Variants in DCTPP1 observed in about 807,000 individuals in gnomAD.
DCTPP1 encodes XTP3-transactivated gene A protein.
A neutral mutation model predicts 8.8 loss-of-function variants in DCTPP1; 8 were observed. That is an observed-to-expected ratio of 0.91 (90% CI 0.54 to 1.64). The LOEUF (loss-of-function observed/expected upper bound fraction) is 1.64. DCTPP1 is among the 40% of genes most tolerant of loss of function. DCTPP1 has a pLI of 0.00. For missense variants in DCTPP1, 231 were observed against 230.4 expected (o/e 1.00, Z -0.02); for synonymous variants, 85 against 92.1 (o/e 0.92, Z 0.44).
Position 30,424,020 on chromosome 16 carries a change from C to T in DCTPP1, c.*213G>A, listed in dbSNP as rs958448702. ...GAGACAGAGAGCCTCCCTGGCCATC[C>T]AGGAATAATCTAGAAGTTATCGCCC... On this transcript the variant is annotated 3_prime_UTR_variant, in exon 3 of 3. Transcript: ENST00000319285. The T allele has an allele frequency of 4.9e-6, 3 of 611,438 alleles. No individual in the cohort carries two copies. The South Asian group carries it at 6.7e-5, about 14-fold the overall frequency. 37.9% of individuals were successfully genotyped at this position (611,438 alleles called of 1,614,324 possible).
Position 30,429,988 on chromosome 16 carries a change from A to T in DCTPP1, c.-8T>A, listed in dbSNP as rs201625150. 6 of 1,497,328 alleles carry T rather than the reference A, an allele frequency of 4.0e-6. No homozygotes were observed. The Admixed American group carries it at 6.9e-5, about 17-fold the overall frequency. 92.8% of individuals were successfully genotyped at this position (1,497,328 alleles called of 1,614,324 possible). On this transcript the variant is annotated 5_prime_UTR_variant, in exon 1 of 3. Transcript: ENST00000319285. ...CCCACCGGCCACAGACATGCCGCCC[A>T]CCGCTGCACCGCGACTTCACGGAAA... is the stretch of plus-strand genomic sequence containing the variant.
chr16:30,429,501 G>T (rs1470932023), intron 1 of DCTPP1: 2 of 417,922 alleles, frequency 4.8e-6, no homozygotes, highest in African/African-American at 2.1e-5. Context: ...TAGTTCCACA[G>T]ACCCTTCCTC....
Position 30,424,035 on chromosome 16 carries a change from A to G in DCTPP1, c.*198T>C. The G allele has an allele frequency of 1.5e-6, 1 of 656,662 alleles. No homozygotes were observed. The highest frequency in any genetic ancestry group is 1.8e-5 in the African/African-American group (1 of 55,044). 40.7% of individuals were successfully genotyped at this position (656,662 alleles called of 1,614,324 possible). ...CCTGGCCATCCAGGAATAATCTAGA[A>G]GTTATCGCCCAAAACCATTTTACTG... is the stretch of plus-strand genomic sequence containing the variant. On this transcript the variant is annotated 3_prime_UTR_variant, in exon 3 of 3. Coordinates refer to ENST00000319285, the MANE Select transcript of DCTPP1 (RefSeq NM_024096.2).
At position 30,429,019 on chromosome 16, in the gene DCTPP1, C is replaced by A. The variant is rs949228798; in HGVS notation, c.212+38G>T. 3.2e-6 allele frequency: 5 copies of A among 1,574,578 alleles called. No individual in the cohort carries two copies. The African/African-American group carries it at 4.1e-5, about 13-fold the overall frequency. On this transcript the variant is annotated intron_variant, in intron 2 of 2. Coordinates refer to ENST00000319285, the MANE Select transcript of DCTPP1 (RefSeq NM_024096.2). ...ATAAATGCTCCCCTCCCCTCCCCCA[C>A]AACTCAGACTCTACCAGGAAGCTTT... is the stretch of plus-strand genomic sequence containing the variant.
At chr16:30,429,415 A>G in intron 1 of DCTPP1, 1 of 445,876 alleles carries the variant, frequency 2.2e-6, no homozygotes, top group Non-Finnish European at 4.0e-6. Flanking sequence ...TCATTATTCC[A>G]TCTCCTGCTG....
intron 2 of DCTPP1, among the ~76,000 whole-genome samples, chr16:30,425,287 G>C (rs942156013): frequency 6.6e-6 from 1 of 151,414 alleles, no homozygotes; most frequent in Non-Finnish European, 1.5e-5. Flanking sequence ...AGGAGTTCAA[G>C]ACCAGCCTGG....
rs2050177208 is a variant in DCTPP1, at chr16:30,423,853, T to C, written c.*380A>G. 1.0e-5 allele frequency: 2 copies of C among 199,072 alleles called. No individual in the cohort carries two copies. Among genetic ancestry groups the C allele is most frequent in the Non-Finnish European group, 1.0e-5 (1 of 97,604 alleles). 12.3% of individuals were successfully genotyped at this position (199,072 alleles called of 1,614,324 possible). A position where few individuals can be genotyped will look rare whatever the true frequency, so the allele number is the denominator to read the frequency against. On this transcript the variant is annotated 3_prime_UTR_variant, in exon 3 of 3. Transcript: ENST00000319285. ...CTGGACTCTTACAGCCTTCAATCTC[T>C]AAGAGGGGGAAGGAACTTACATGAC...
chr16:30,429,665 A>C (rs1345956582), intron 1 of DCTPP1: 2 of 524,062 alleles, frequency 3.8e-6, no homozygotes, highest in Non-Finnish European at 6.7e-6. Flanking sequence ...GTTCCTAGTT[A>C]CCACTCGGAG....
rs935543111 is a variant in DCTPP1, at chr16:30,424,521, G to C, written c.225C>G (p.Thr75=). Residue 75 remains threonine, a synonymous_variant, in exon 3 of 3, where the codon ACC becomes ACG. Transcript: ENST00000319285. ...GELAELFQWK[T]DGEPGPQGWS... is the part of the protein sequence containing the mutation. ...AGCCTTGGGGGCCAGGTTCCCCATCGGTTTTCCACTGACTAGGGGCAGAAC... is the reference window on the plus strand; with the variant it reads ...AGCCTTGGGGGCCAGGTTCCCCATCCGTTTTCCACTGACTAGGGGCAGAAC... The C allele has an allele frequency of 3.1e-6, 5 of 1,613,672 alleles. No homozygotes were observed. In the East Asian group the frequency reaches 1.1e-4, roughly 36 times the overall value.
chr16:30,428,263 A>G (rs2050205136), intron 2 of DCTPP1, among the ~76,000 whole-genome samples: 1 of 152,124 alleles, frequency 6.6e-6, no homozygotes, highest in African/African-American at 2.4e-5. Flanking sequence ...TTGAGCGCCT[A>G]CTATGCGCTG....
chr16:30,425,789 C>T (rs1275024291), intron 2 of DCTPP1, among the ~76,000 whole-genome samples: 2 of 152,184 alleles, frequency 1.3e-5, no homozygotes, highest in Admixed American at 6.5e-5. Context: ...CACACTCCAG[C>T]CTTGGTAACA....
At chr16:30,429,339 T>G in intron 1 of DCTPP1, 172 bp from the exon 2 acceptor site, 2 of 602,508 alleles carry the variant, frequency 3.3e-6, no homozygotes, top group Non-Finnish European at 5.4e-6. Flanking sequence ...CTTGGTTCCC[T>G]CATCTATAAA....
rs1401805447 is a variant in DCTPP1 at position 30,424,373 on chromosome 16, T to C, written c.373A>G (p.Asn125Asp). The change falls in exon 3 of 3, where the codon AAC becomes GAC. Residue 125 changes from asparagine to aspartate, a missense_variant. By Grantham distance (23) the Asn-to-Asp change is conservative. Coordinates refer to ENST00000319285, the MANE Select transcript of DCTPP1 (RefSeq NM_024096.2). ...PLAVLSKMDINRRRYPAHLAR... is the reference protein window; with the variant it reads ...PLAVLSKMDIDRRRYPAHLAR... ...AGATGGGCTGGGTAGCGTCGCCGGT[T>C]GATGTCCATTTTGGAGAGCACTGCT... 6.2e-7 allele frequency: 1 copy of C among 1,614,084 alleles called. No homozygotes were observed. The highest frequency in any genetic ancestry group is 8.5e-7 in the Non-Finnish European group (1 of 1,180,050).
Position 30,424,171 on chromosome 16 carries a change from G to A in DCTPP1, c.*62C>T, listed in dbSNP as rs2050178680. 1.3e-6 allele frequency: 2 copies of A among 1,572,656 alleles called. No individual in the cohort carries two copies. The highest frequency in any genetic ancestry group is 2.3e-5 in the East Asian group (1 of 44,430). ...CTGAAAAGACTAGAAAAAGGCTCCA[G>A]GGCCAGGCCACTCTCTGCTCTTCAG... On this transcript the variant is annotated 3_prime_UTR_variant, in exon 3 of 3. Transcript: ENST00000319285.
In DCTPP1 at chr16:30,427,351, C is replaced by T. The variant is rs529894967; in HGVS notation, c.212+1706G>A. 9.3e-5 allele frequency among the ~76,000 whole-genome samples: 14 copies of T among 151,068 alleles called. 1 individual carries two copies. Among genetic ancestry groups the T allele is most frequent in the Admixed American group, 4.6e-4 (7 of 15,110 alleles). ...TTTTTAAGGCAGAGTCTTGCTCTGT[C>T]GCCCAGGCTGGAGTGCCATGGTGTG... is the stretch of plus-strand genomic sequence containing the variant. On this transcript the variant is annotated intron_variant, in intron 2 of 2. Coordinates refer to ENST00000319285, the MANE Select transcript of DCTPP1 (RefSeq NM_024096.2).
chr16:30,426,342 A>AT (rs775077894), intron 2 of DCTPP1, among the ~76,000 whole-genome samples: 13 of 149,566 alleles, frequency 8.7e-5, no homozygotes, highest in African/African-American at 1.2e-4. Context: ...CACCCAGCTA[A>AT]TTTTTTGTAT....
At chr16:30,429,666 C>T (rs1304833809) in intron 1 of DCTPP1, 1 of 527,958 alleles carries the variant, frequency 1.9e-6, no homozygotes, top group Non-Finnish European at 3.3e-6. Flanking sequence ...TTCCTAGTTA[C>T]CACTCGGAGG....
rs747741332 is a variant in DCTPP1, at chr16:30,424,491, G to A, written c.255C>T (p.Ser85=). The change falls in exon 3 of 3, where the codon TCC becomes TCT. Residue 85 remains serine (S), a synonymous_variant. Transcript: ENST00000319285. ...CTTGAAGGGCTGCCCGTTCCCTGGG[G>A]GACCAGCCTTGGGGGCCAGGTTCCC... ...TDGEPGPQGW[S]PRERAALQEE... 9.3e-6 allele frequency: 15 copies of A among 1,614,046 alleles called. No homozygotes were observed. Among genetic ancestry groups the A allele is most frequent in the Non-Finnish European group, 1.2e-5 (14 of 1,180,050 alleles).
intron 2 of DCTPP1, chr16:30,428,794 A>G (rs904879941): frequency 9.6e-6 from 4 of 416,566 alleles, no homozygotes; most frequent in African/African-American, 6.1e-5. Context: ...ACAAAAAACA[A>G]AAGAAGGGAA....
Sources: gnomAD v4.1 joint callset for allele counts (sites outside exome capture counted in the v4.1 genomes callset) on GRCh38, gnomAD v4.1.1 for gene constraint, MANE v1.5 for transcripts, NCBI Gene and HGNC (gene_info 2026-07-23, HGNC 2026-07-21) for gene names.